Variants in CARF observed in about 807,000 individuals in gnomAD.
The protein encoded by CARF is calcium-responsive transcription factor.
In CARF, 57 loss-of-function variants were observed where a neutral mutation model predicts 82.0. The observed-to-expected ratio is 0.70, with a 90% CI of 0.56 to 0.87. The LOEUF (loss-of-function observed/expected upper bound fraction) is 0.87. CARF is among the 40% of genes least tolerant of loss of function. CARF has a pLI of 0.00. For missense variants in CARF, 771 were observed against 855.8 expected, an observed-to-expected ratio of 0.90 and a Z score of 1.24; for synonymous variants, 268 against 290.1, an observed-to-expected ratio of 0.92 and a Z score of 0.77.
rs927498774 is a variant in CARF at position 202,957,080 on chromosome 2, C to T, written c.642+1322C>T. ...CTGGGATTACAGGCATGAGCCACCGCGCCCAGAAGTAGTCACCAGATTCTT... is the reference window on the plus strand; with the variant it reads ...CTGGGATTACAGGCATGAGCCACCGTGCCCAGAAGTAGTCACCAGATTCTT... On this transcript the variant is annotated intron_variant, in intron 8 of 16. Coordinates refer to ENST00000438828, the MANE Select transcript of CARF (RefSeq NM_024744.17). Among the ~76,000 whole-genome samples the T allele has an allele frequency of 9.2e-5, 14 of 152,314 alleles. No homozygotes were observed. In the East Asian group the frequency reaches 1.9e-3, roughly 21 times the overall value.
chr2:202,921,862 G>C (rs1048945291), intron 2 of CARF, among the ~76,000 whole-genome samples: 1 of 151,878 alleles, frequency 6.6e-6, no homozygotes, highest in Admixed American at 6.6e-5. Flanking sequence ...GTCTCACTCT[G>C]TCACCCAGGC....
At position 202,982,178 on chromosome 2, in the gene CARF, G is replaced by T; in HGVS notation, c.1796G>T (p.Gly599Val). 1 of 1,614,148 alleles carries T rather than the reference G, an allele frequency of 6.2e-7. No individual in the cohort carries two copies. Residue 599 changes from glycine to valine, a missense_variant, in exon 16 of 17, where the codon GGA becomes GTA. By Grantham distance (109) the Gly-to-Val change is moderately radical. Coordinates refer to ENST00000438828, the MANE Select transcript of CARF (RefSeq NM_024744.17). ...CCTTCAGGACTTCTGGATACAATAG[G>T]AAGTGCTGTAATGAATAATAATTCT... ...SSPSGLLDTI[G>V]SAVMNNNSLL... is the part of the protein sequence containing the mutation.
chr2:202,942,291 G>A lies in CARF; in HGVS notation c.78+311G>A, dbSNP rs181247076. Among the ~76,000 whole-genome samples the A allele has an allele frequency of 3.4e-3, 511 of 151,672 alleles. 4 individuals carry two copies. The highest frequency in any genetic ancestry group is 0.012 in the African/African-American group (491 of 41,350). ...CAGGAGGCTGAGGCAGGAGAATGGC[G>A]TGAACCCAGGAGGCAGAGCTTGCAG... is the stretch of plus-strand genomic sequence containing the variant. On this transcript the variant is annotated intron_variant, in intron 4 of 16. Transcript: ENST00000438828.
In CARF at chr2:202,972,920, G is replaced by A. The variant is rs543409805; in HGVS notation, c.1331+1182G>A. Reference sequence around the variant, plus strand: ...CTTGAGTTATATCGTTCTGTTCAACGTCTTTTCTTTTGTTGTTTTTTTTAA... The same window carrying A: ...CTTGAGTTATATCGTTCTGTTCAACATCTTTTCTTTTGTTGTTTTTTTTAA... On this transcript the variant is annotated intron_variant, in intron 12 of 16. Coordinates refer to ENST00000438828, the MANE Select transcript of CARF (RefSeq NM_024744.17). Among the ~76,000 whole-genome samples the A allele has an allele frequency of 5.3e-5, 8 of 152,178 alleles. No homozygotes were observed. The East Asian group carries it at 1.4e-3, about 26-fold the overall frequency.
intron 2 of CARF, among the ~76,000 whole-genome samples, chr2:202,920,600 G>A (rs893357096): frequency 1.2e-4 from 18 of 151,910 alleles, no homozygotes; most frequent in Non-Finnish European, 1.5e-5. Context: ...AATTAAGCCA[G>A]GTGCAGTGAG....
At chr2:202,937,722 TC>T (rs1473967529) in intron 3 of CARF, among the ~76,000 whole-genome samples, 1 of 152,102 alleles carries the variant, frequency 6.6e-6, no homozygotes, top group Non-Finnish European at 1.5e-5. Context: ...TCTCTTGGGT[TC>T]AAATGATTCT....
intron 5 of CARF, among the ~76,000 whole-genome samples, chr2:202,948,292 C>T (rs2058595531): frequency 6.6e-6 from 1 of 152,154 alleles, no homozygotes; most frequent in Admixed American, 6.5e-5. Context: ...AACATAATGC[C>T]TCCAGCTTTC....
rs1402976696 is a variant in CARF, at chr2:202,974,391, A to G, written c.1389A>G (p.Leu463=). 3.1e-6 allele frequency: 5 copies of G among 1,609,970 alleles called. No homozygotes were observed. In the South Asian group the frequency reaches 3.3e-5, roughly 11 times the overall value. Residue 463 remains leucine, a synonymous_variant, in exon 13 of 17, where the codon TTA becomes TTG. Transcript: ENST00000438828. ...ATGAGGTACCTGAAAGACATAATTT[A>G]TCTTTTTTTCCAACTGTAAATGATA... ...KPDEVPERHN[L]SFFPTVNDIK... is the part of the protein sequence containing the mutation.
At chr2:202,946,201 A>G (rs1241073809) in intron 5 of CARF, among the ~76,000 whole-genome samples, 1 of 152,226 alleles carries the variant, frequency 6.6e-6, no homozygotes, top group Non-Finnish European at 1.5e-5. Context: ...GACAATCCTA[A>G]GCAAAAAGAA....
chr2:202,983,816 T>C lies in CARF; in HGVS notation c.*192T>C, dbSNP rs770189004. 4.2e-4 allele frequency: 215 copies of C among 508,814 alleles called. No individual in the cohort carries two copies. Among genetic ancestry groups the C allele is most frequent in the Non-Finnish European group, 5.1e-4 (149 of 294,146 alleles). The allele number at this position is 508,814 out of a possible 1,614,324, so 31.5% of individuals were successfully genotyped here. A position where few individuals can be genotyped will look rare whatever the true frequency, so the allele number is the denominator to read the frequency against. ...TTCCTTAAGAGATGTTTTACTCTTCTTATTTTGTATAATTTTTATGCTCTT... is the reference window on the plus strand; with the variant it reads ...TTCCTTAAGAGATGTTTTACTCTTCCTATTTTGTATAATTTTTATGCTCTT... On this transcript the variant is annotated 3_prime_UTR_variant, in exon 17 of 17. Transcript: ENST00000438828.
At chr2:202,940,832 G>T (rs111394538) in intron 3 of CARF, among the ~76,000 whole-genome samples, 2 of 152,008 alleles carry the variant, frequency 1.3e-5, no homozygotes, top group Non-Finnish European at 2.9e-5. Flanking sequence ...AGGGGAGGGC[G>T]GTCACTGGAG....
chr2:202,952,535 T>C (rs2058803979), intron 5 of CARF, 24 bp from the exon 6 acceptor site: 1 of 693,366 alleles, frequency 1.4e-6, no homozygotes, highest in Non-Finnish European at 2.0e-6. Context: ...ATGCATTTGA[T>C]TTTTTTTTTT....
chr2:202,959,769 A>G (rs1037686858), intron 8 of CARF, among the ~76,000 whole-genome samples: 5 of 151,800 alleles, frequency 3.3e-5, no homozygotes, highest in African/African-American at 1.2e-4. Flanking sequence ...AGATAGTGCC[A>G]TTGCACTCCA....
chr2:202,932,950 AG>A (rs1207936916), intron 3 of CARF, among the ~76,000 whole-genome samples: 1 of 152,122 alleles, frequency 6.6e-6, no homozygotes, highest in Non-Finnish European at 1.5e-5. Flanking sequence ...CCAGTTCTCC[AG>A]GGGCCCATGT....
chr2:202,964,054 C>A lies in CARF; in HGVS notation c.832+2628C>A, dbSNP rs369815719. Among the ~76,000 whole-genome samples the A allele has an allele frequency of 1.3e-4, 20 of 151,304 alleles. No individual in the cohort carries two copies. The East Asian group carries it at 1.7e-3, about 13-fold the overall frequency. ...TTCTTTATTAGATAGATAGCCACAC[C>A]AAGAGAAACAAATAAAGACTATAAC... On this transcript the variant is annotated intron_variant, in intron 9 of 16. Transcript: ENST00000438828.
chr2:202,945,386 A>G (rs1432442213), intron 5 of CARF, among the ~76,000 whole-genome samples: 3 of 152,124 alleles, frequency 2.0e-5, no homozygotes, highest in South Asian at 4.1e-4. Context: ...AGGTACACTC[A>G]GATTGTACAA....
At chr2:202,942,043 C>T in intron 4 of CARF, 63 bp downstream of exon 4, 2 of 1,261,920 alleles carry the variant, frequency 1.6e-6, no homozygotes, top group Non-Finnish European at 2.3e-6. Flanking sequence ...TTTAACAGCT[C>T]TTTATGCTCA....
chr2:202,975,316 T>G (rs1470038162), intron 13 of CARF, among the ~76,000 whole-genome samples: 1 of 152,158 alleles, frequency 6.6e-6, no homozygotes, highest in Non-Finnish European at 1.5e-5. Context: ...TGGTGGCAGG[T>G]GCCTGTAGTC....
rs1040092395 is a variant in CARF at position 202,987,538 on chromosome 2, A to T, written c.*3914A>T. ...GTCATTCTACTTAATTAACTTAGTC[A>T]TAAGGACAAAGCCTTAGTATATTTT... On this transcript the variant is annotated 3_prime_UTR_variant, in exon 17 of 17. Coordinates refer to ENST00000438828, the MANE Select transcript of CARF (RefSeq NM_024744.17). Among the ~76,000 whole-genome samples the T allele has an allele frequency of 2.0e-5, 3 of 152,188 alleles. No homozygotes were observed. Among genetic ancestry groups the T allele is most frequent in the Non-Finnish European group, 4.4e-5 (3 of 68,042 alleles).
Sources: allele counts gnomAD v4.1 joint callset (sites outside exome capture counted in the v4.1 genomes callset), GRCh38; gene constraint gnomAD v4.1.1; transcripts MANE v1.5; gene names NCBI Gene and HGNC (gene_info 2026-07-23, HGNC 2026-07-21).